GKAP1: variants seen among roughly 807,000 people sequenced by gnomAD.
The protein encoded by GKAP1 is G kinase-anchoring protein 1.
In GKAP1, 31 loss-of-function variants were observed where a neutral mutation model predicts 56.7. The observed-to-expected ratio is 0.55, with a 90% confidence interval of 0.41 to 0.74. The LOEUF (loss-of-function observed/expected upper bound fraction) is 0.74, where lower values mean the gene tolerates loss of function less well. GKAP1 is among the 30% of genes least tolerant of loss of function. The pLI, the probability that GKAP1 is intolerant of heterozygous loss-of-function variation, is 0.00. For missense variants in GKAP1, 364 were observed against 402.3 expected (o/e 0.90, Z 0.82); for synonymous variants, 151 against 138.6 (o/e 1.09, Z -0.63).
At chr9:83,750,077 G>C (rs1344202128) in intron 9 of GKAP1, among the ~76,000 whole-genome samples, 2 of 152,152 alleles carry the variant, frequency 1.3e-5, no homozygotes, top group Non-Finnish European at 2.9e-5. Context: ...TCAAGCCTTT[G>C]TTCAAGGTCC....
chr9:83,753,174 T>C (rs1294177673), intron 9 of GKAP1, 84 bp downstream of exon 9: 4 of 751,536 alleles, frequency 5.3e-6, no homozygotes, highest in Non-Finnish European at 6.8e-6. Context: ...GAATTGCATA[T>C]TAAACATATT....
At chr9:83,769,359 G>T (rs1239817204) in intron 7 of GKAP1, among the ~76,000 whole-genome samples, 1 of 152,068 alleles carries the variant, frequency 6.6e-6, no homozygotes, top group African/African-American at 2.4e-5. Flanking sequence ...ACCCCAAAAA[G>T]AAACTGTACC....
rs551358005 is a variant in GKAP1 at position 83,739,520 on chromosome 9, T to G, written c.*177A>C. The G allele has an allele frequency of 1.2e-5, 5 of 431,486 alleles. No homozygotes were observed. The highest frequency in any genetic ancestry group is 3.9e-5 in the Admixed American group (1 of 25,734). 26.7% of individuals were successfully genotyped at this position (431,486 alleles called of 1,614,324 possible). ...ACTGAATTCTGCTGGAATTCTCTAT[T>G]TCTTCTTTTTCACTTTAAGCCAAAA... is the stretch of plus-strand genomic sequence containing the variant. On this transcript the variant is annotated 3_prime_UTR_variant, in exon 13 of 13. Coordinates refer to ENST00000376371, the MANE Select transcript of GKAP1 (RefSeq NM_025211.4).
At chr9:83,808,364 G>T (rs1413343158) in intron 2 of GKAP1, among the ~76,000 whole-genome samples, 1 of 152,156 alleles carries the variant, frequency 6.6e-6, no homozygotes, top group Non-Finnish European at 1.5e-5. Flanking sequence ...GGGAGGCCGA[G>T]GTGGGCAGGT....
intron 2 of GKAP1, among the ~76,000 whole-genome samples, chr9:83,815,002 T>C (rs1026620909): frequency 3.3e-5 from 5 of 151,408 alleles, no homozygotes; most frequent in African/African-American, 1.2e-4. Flanking sequence ...TGAAACCCCA[T>C]CTCTACTAAA....
intron 7 of GKAP1, among the ~76,000 whole-genome samples, chr9:83,774,507 T>A (rs137868986): frequency 6.6e-6 from 1 of 151,176 alleles, no homozygotes; most frequent in African/African-American, 2.4e-5. Context: ...GGTGGGAGGA[T>A]TGCTTGAGCC....
At chr9:83,796,596 T>C (rs1438375024) in intron 4 of GKAP1, among the ~76,000 whole-genome samples, 1 of 152,020 alleles carries the variant, frequency 6.6e-6, no homozygotes, top group Non-Finnish European at 1.5e-5. Flanking sequence ...GTCTCCCGAG[T>C]ACCTGGGATT....
In GKAP1 at chr9:83,764,921, G is replaced by T. The variant is rs142492813; in HGVS notation, c.738+3897C>A. Reference sequence around the variant, plus strand: ...TGCAGCCTGACAATGCAGTAGAAAAGAAAAACCCATTTTCTGGGTAGAAAT... The same window carrying T: ...TGCAGCCTGACAATGCAGTAGAAAATAAAAACCCATTTTCTGGGTAGAAAT... On this transcript the variant is annotated intron_variant, in intron 8 of 12. Transcript: ENST00000376371. Among the ~76,000 whole-genome samples, 3 of 152,280 alleles carry T rather than the reference G, an allele frequency of 2.0e-5. No homozygotes were observed. The East Asian group carries it at 5.8e-4, about 29-fold the overall frequency.
chr9:83,743,974 A>C (rs1943248941), intron 10 of GKAP1, among the ~76,000 whole-genome samples: 1 of 152,210 alleles, frequency 6.6e-6, no homozygotes, highest in Non-Finnish European at 1.5e-5. Context: ...ATTGTAATAA[A>C]ATTAGCAAAG....
At chr9:83,802,979 T>TGTGCCTGTGGTCC (rs1944356747) in intron 3 of GKAP1, among the ~76,000 whole-genome samples, 1 of 151,806 alleles carries the variant, frequency 6.6e-6, no homozygotes, top group African/African-American at 2.4e-5. Flanking sequence ...CGTAGTGGTG[T>TGTGCCTGTGGTCC]GTGCCTGTGG....
chr9:83,750,141 T>G (rs1395142434), intron 9 of GKAP1, among the ~76,000 whole-genome samples: 1 of 138,326 alleles, frequency 7.2e-6, no homozygotes, highest in Non-Finnish European at 1.6e-5. Context: ...CTAAAATAGC[T>G]CATAAAGCAA....
intron 2 of GKAP1, among the ~76,000 whole-genome samples, chr9:83,813,164 T>C (rs1944535624): frequency 6.6e-6 from 1 of 152,230 alleles, no homozygotes; most frequent in Non-Finnish European, 1.5e-5. Context: ...AACACAGCTC[T>C]TCTCCCTCCC....
At chr9:83,743,141 C>G (rs946876637) in intron 10 of GKAP1, among the ~76,000 whole-genome samples, 1 of 150,470 alleles carries the variant, frequency 6.6e-6, no homozygotes, top group African/African-American at 2.4e-5. Flanking sequence ...CCAGCCTGGG[C>G]GACAGAGAGA....
chr9:83,796,838 T>G (rs1654781882), intron 4 of GKAP1, among the ~76,000 whole-genome samples: 1 of 152,222 alleles, frequency 6.6e-6, no homozygotes, highest in African/African-American at 2.4e-5. Flanking sequence ...GTGCATTATT[T>G]TATCTTACTT....
Position 83,754,731 on chromosome 9 carries a change from T to C in GKAP1, c.739-1372A>G, listed in dbSNP as rs1234557185. Among the ~76,000 whole-genome samples, 6 of 152,220 alleles carry C rather than the reference T, an allele frequency of 3.9e-5. No individual in the cohort carries two copies. In the South Asian group the frequency reaches 1.2e-3, roughly 32 times the overall value. On this transcript the variant is annotated intron_variant, in intron 8 of 12. Transcript: ENST00000376371. ...AGTAGAGAACTGATCCTGGAGGGCC[T>C]TGAAGGCCATAAGAACAGTCTGCAC...
intron 2 of GKAP1, among the ~76,000 whole-genome samples, chr9:83,814,484 CT>C (rs1419660125): frequency 4.6e-5 from 7 of 152,156 alleles, no homozygotes; most frequent in Non-Finnish European, 8.8e-5. Context: ...TATTTCCATA[CT>C]TTAAACTTAC....
At chr9:83,792,910 G>C in intron 4 of GKAP1, 1 of 597,606 alleles carries the variant, frequency 1.7e-6, no homozygotes, top group Non-Finnish European at 2.2e-6. Context: ...AGAGGAAATA[G>C]CAGGCACTAA....
chr9:83,806,325 GTTCC>G lies in GKAP1; in HGVS notation c.189_192del (p.Lys63AsnfsTer58). On this transcript the variant is annotated frameshift_variant, in exon 3 of 13. Coordinates refer to ENST00000376371, the MANE Select transcript of GKAP1 (RefSeq NM_025211.4). LOFTEE classifies it high-confidence loss of function. The stretch of plus-strand genomic sequence containing the variant: ...ACCTCATTTGCTTCACTCTGTTGCT[GTTCC>G]TTCTTTTTTCTTCTTTTCTCTCTTT... The G allele has an allele frequency of 6.4e-7, 1 of 1,550,826 alleles. No individual in the cohort carries two copies. Among genetic ancestry groups the G allele is most frequent in the African/African-American group, 1.4e-5 (1 of 73,070 alleles).
chr9:83,779,189 T>C (rs2131283493), intron 7 of GKAP1, among the ~76,000 whole-genome samples: 1 of 152,082 alleles, frequency 6.6e-6, no homozygotes, highest in South Asian at 2.1e-4. Flanking sequence ...TCAGTCTATA[T>C]ATGTAGTCAT....
Sources: allele counts gnomAD v4.1 joint callset (sites outside exome capture counted in the v4.1 genomes callset), GRCh38; gene constraint gnomAD v4.1.1; transcripts MANE v1.5; gene names NCBI Gene and HGNC (gene_info 2026-07-23, HGNC 2026-07-21).